Variants in CDK14 observed in about 807,000 individuals in gnomAD.
CDK14 encodes the protein cyclin dependent kinase 14.
CDK14 carries 34 observed loss-of-function variants against 60.7 expected under a neutral mutation model. That is an observed-to-expected ratio of 0.56 (90% CI 0.43 to 0.75). CDK14 has a LOEUF of 0.75. CDK14 is among the 30% of genes least tolerant of loss of function. The pLI, the probability that CDK14 is intolerant of heterozygous loss-of-function variation, is 0.00. For synonymous variants in CDK14, 197 were observed against 203.7 expected (o/e 0.97, Z 0.28); for missense variants, 482 against 564.1 (o/e 0.85, Z 1.47).
At chr7:90,698,898 T>C (rs993245584) in intron 2 of CDK14, among the ~76,000 whole-genome samples, 4 of 152,202 alleles carry the variant, frequency 2.6e-5, no homozygotes, top group African/African-American at 9.6e-5. Flanking sequence ...ACCCTGCAGC[T>C]TTGTAGTTAC....
intron 12 of CDK14, among the ~76,000 whole-genome samples, chr7:91,090,103 T>C (rs1798756478): frequency 6.6e-6 from 1 of 152,102 alleles, no homozygotes; most frequent in Non-Finnish European, 1.5e-5. Context: ...CTGTTCAGAG[T>C]AGACGTTGGG....
At chr7:91,071,570 G>T (rs535064742) in intron 11 of CDK14, among the ~76,000 whole-genome samples, 53 of 152,344 alleles carry the variant, frequency 3.5e-4, no homozygotes, top group African/African-American at 1.2e-3. Context: ...TGCCACCGGG[G>T]CCTAGGGTCC....
chr7:90,654,163 C>T (rs1800705405), intron 2 of CDK14, among the ~76,000 whole-genome samples: 1 of 152,102 alleles, frequency 6.6e-6, no homozygotes, highest in Non-Finnish European at 1.5e-5. Context: ...TCTTCCCTTT[C>T]CCACTCCTGT....
At chr7:90,692,571 A>G (rs1240120697) in intron 2 of CDK14, 2 of 400,594 alleles carry the variant, frequency 5.0e-6, no homozygotes, top group Non-Finnish European at 6.8e-6. Context: ...TTGTTTTTTC[A>G]GCTGTCAGCA....
intron 2 of CDK14, among the ~76,000 whole-genome samples, chr7:90,636,569 C>T (rs955943806): frequency 2.6e-5 from 4 of 151,808 alleles, no homozygotes; most frequent in Non-Finnish European, 1.5e-5. Flanking sequence ...CATCAATGTT[C>T]ATCAAGGATA....
At chr7:90,757,479 A>G (rs887685018) in intron 4 of CDK14, among the ~76,000 whole-genome samples, 2 of 152,144 alleles carry the variant, frequency 1.3e-5, no homozygotes, top group Non-Finnish European at 1.5e-5. Flanking sequence ...CATTGCATTC[A>G]TGACAGTGTT....
At chr7:90,680,070 T>C (rs1321991658) in intron 2 of CDK14, among the ~76,000 whole-genome samples, 1 of 147,984 alleles carries the variant, frequency 6.8e-6, no homozygotes, top group African/African-American at 2.5e-5. Context: ...TTTTTGTTTA[T>C]ATATATGTTT....
intron 2 of CDK14, among the ~76,000 whole-genome samples, chr7:90,713,845 T>TA (rs1196360167): frequency 2.0e-5 from 3 of 152,092 alleles, no homozygotes; most frequent in African/African-American, 7.2e-5. Context: ...TTGGACATGT[T>TA]ACTTAATTCA....
At chr7:90,971,512 G>T (rs1387853195) in intron 9 of CDK14, among the ~76,000 whole-genome samples, 1 of 152,130 alleles carries the variant, frequency 6.6e-6, no homozygotes, top group Non-Finnish European at 1.5e-5. Flanking sequence ...CTGGTGTTTT[G>T]TAGATAGAGA....
intron 4 of CDK14, among the ~76,000 whole-genome samples, chr7:90,789,769 A>G (rs1168204641): frequency 6.6e-6 from 1 of 152,174 alleles, no homozygotes; most frequent in Non-Finnish European, 1.5e-5. Context: ...AAACAAACCA[A>G]ATAAAGTATG....
chr7:91,029,009 CT>C (rs1232443533), intron 10 of CDK14, among the ~76,000 whole-genome samples: 1 of 152,014 alleles, frequency 6.6e-6, no homozygotes, highest in East Asian at 1.9e-4. Context: ...CTTTTAGGGT[CT>C]TAGTCATAAA....
chr7:91,095,671 G>C (rs980781578), intron 12 of CDK14, among the ~76,000 whole-genome samples: 2 of 152,042 alleles, frequency 1.3e-5, no homozygotes, highest in Non-Finnish European at 2.9e-5. Flanking sequence ...AGGAAATTAC[G>C]TATGGAGATT....
At chr7:91,151,706 G>GA (rs768655495) in intron 14 of CDK14, among the ~76,000 whole-genome samples, 7 of 152,068 alleles carry the variant, frequency 4.6e-5, no homozygotes, top group Non-Finnish European at 7.4e-5. Context: ...ATGCAGAAAA[G>GA]AAAAAATGCT....
intron 5 of CDK14, among the ~76,000 whole-genome samples, chr7:90,824,019 A>G (rs555014542): frequency 6.6e-6 from 1 of 152,360 alleles, no homozygotes; most frequent in Admixed American, 6.5e-5. Context: ...TATGTTGGTA[A>G]GTAGTACAGA....
Position 90,902,306 on chromosome 7 carries a change from A to C in CDK14, c.702+2953A>C, listed in dbSNP as rs541174816. On this transcript the variant is annotated intron_variant, in intron 7 of 14. Coordinates refer to ENST00000380050, the MANE Select transcript of CDK14 (RefSeq NM_001287135.2). ...GCCAAAACAATACTGAGCAAAAAGA[A>C]CAAAGCTGGATACTTCATACTACGT... 2.0e-5 allele frequency among the ~76,000 whole-genome samples: 3 copies of C among 152,162 alleles called. No homozygotes were observed. In the East Asian group the frequency reaches 5.8e-4, roughly 29 times the overall value.
chr7:90,983,451 G>A (rs556679970), intron 9 of CDK14, among the ~76,000 whole-genome samples: 14 of 152,168 alleles, frequency 9.2e-5, no homozygotes, highest in Middle Eastern at 3.4e-3. Context: ...AGGCCGAGAC[G>A]GGCGGATCAC....
chr7:90,786,742 C>A (rs1051527585), intron 4 of CDK14, among the ~76,000 whole-genome samples: 1 of 136,926 alleles, frequency 7.3e-6, no homozygotes, highest in South Asian at 2.4e-4. Flanking sequence ...CATAGTGAGA[C>A]CTTTTCTCTA....
chr7:90,979,689 C>T (rs763748356), intron 9 of CDK14: 3 of 152,106 alleles, frequency 2.0e-5, no homozygotes, highest in African/African-American at 4.8e-5. Context: ...CAATGTTCAT[C>T]GTCATGCTAG....
chr7:91,147,174 A>T (rs62470815), intron 14 of CDK14, among the ~76,000 whole-genome samples: 43,344 of 114,434 alleles, frequency 0.38, 9,079 homozygotes, highest in Non-Finnish European at 0.49. Context: ...ACACACACAC[A>T]CACACACACA....
Sources: allele counts gnomAD v4.1 joint callset (sites outside exome capture counted in the v4.1 genomes callset), GRCh38; gene constraint gnomAD v4.1.1; transcripts MANE v1.5; gene names NCBI Gene and HGNC (gene_info 2026-07-23, HGNC 2026-07-21).